Variants in EMSY observed in about 807,000 individuals in gnomAD.
EMSY encodes EMSY transcriptional repressor, BRCA2 interacting.
EMSY carries 26 observed loss-of-function variants against 134.6 expected under a neutral mutation model. The ratio of observed to expected loss-of-function variants is 0.19; its 90% CI spans 0.14 to 0.27. The LOEUF (loss-of-function observed/expected upper bound fraction) is 0.27. Ranked by LOEUF, EMSY falls within the 10% of genes least tolerant of loss-of-function variation. EMSY has a pLI of 1.00. For synonymous variants in EMSY, 579 were observed against 577.8 expected (o/e 1.00, Z -0.03); for missense variants, 1,305 against 1,611.4 (o/e 0.81, Z 3.26).
chr11:76,514,577 G>GT (rs963606740), intron 10 of EMSY, among the ~76,000 whole-genome samples: 3 of 152,084 alleles, frequency 2.0e-5, no homozygotes, highest in Admixed American at 6.5e-5. Flanking sequence ...GCTTTCTTTT[G>GT]TTTTTTAAAT....
intron 9 of EMSY, among the ~76,000 whole-genome samples, chr11:76,509,399 G>A (rs1950193593): frequency 6.6e-6 from 1 of 152,080 alleles, no homozygotes; most frequent in African/African-American, 2.4e-5. Flanking sequence ...GGCTGAGGCA[G>A]GGAGAATTGC....
intron 2 of EMSY, among the ~76,000 whole-genome samples, chr11:76,451,063 C>G (rs1288717065): frequency 6.6e-6 from 1 of 152,072 alleles, no homozygotes; most frequent in African/African-American, 2.4e-5. Context: ...TCCCAAAGTG[C>G]TAGGATTACA....
At chr11:76,490,346 C>A (rs1427217817) in intron 8 of EMSY, among the ~76,000 whole-genome samples, 5 of 152,018 alleles carry the variant, frequency 3.3e-5, no homozygotes, top group African/African-American at 1.2e-4. Flanking sequence ...CCTGACTATC[C>A]ACTAGGTGCC....
At chr11:76,522,066 A>G (rs1458684058) in intron 11 of EMSY, among the ~76,000 whole-genome samples, 3 of 152,088 alleles carry the variant, frequency 2.0e-5, no homozygotes, top group African/African-American at 7.2e-5. Flanking sequence ...TGAAAAAGAG[A>G]AGAAGACAAG....
exon 21 of EMSY, chr11:76,551,186 CAGTT>C (rs1400912376): frequency 6.6e-6 from 1 of 151,502 alleles, no homozygotes; most frequent in Non-Finnish European, 1.5e-5. Context: ...TTTTAGGACA[CAGTT>C]TGTTTAAGCA....
intron 17 of EMSY, 28 bp from the exon 19 acceptor site, chr11:76,542,188 G>A (rs1261850655): frequency 5.6e-6 from 9 of 1,613,394 alleles, no homozygotes; most frequent in African/African-American, 2.7e-5. Flanking sequence ...GATTTCTGGA[G>A]AAATATCATC....
chr11:76,463,212 G>C (rs1948198963), intron 6 of EMSY, among the ~76,000 whole-genome samples: 1 of 152,134 alleles, frequency 6.6e-6, no homozygotes. Flanking sequence ...AGCTACTTGG[G>C]AGGCTGAGGC....
chr11:76,537,756 G>C (rs2136579654), intron 15 of EMSY, 39 bp from the exon 17 acceptor site: 1 of 1,540,248 alleles, frequency 6.5e-7, no homozygotes, highest in Non-Finnish European at 8.8e-7. Context: ...GTACTTGTTT[G>C]TAATAAAAGT....
At chr11:76,546,650 ACTC>A (rs1168624521) in intron 20 of EMSY, among the ~76,000 whole-genome samples, 1 of 151,940 alleles carries the variant, frequency 6.6e-6, no homozygotes, top group African/African-American at 2.4e-5. Context: ...CAAATTTTGT[ACTC>A]CTCAATTTTT....
At chr11:76,462,063 C>T (rs1448620025) in intron 6 of EMSY, among the ~76,000 whole-genome samples, 1 of 151,342 alleles carries the variant, frequency 6.6e-6, no homozygotes, top group South Asian at 2.1e-4. Flanking sequence ...ATGGTGAAAC[C>T]TCATCTCTAC....
At chr11:76,544,786 G>T (rs755632629) in exon 19 of EMSY, 21 of 1,613,866 alleles carry the variant, frequency 1.3e-5, no homozygotes, top group Non-Finnish European at 1.6e-5. Flanking sequence ...GCCAAATGTC[G>T]CTCCCAGCTT....
At chr11:76,512,817 A>G (rs975547012) in intron 9 of EMSY, among the ~76,000 whole-genome samples, 1 of 151,148 alleles carries the variant, frequency 6.6e-6, no homozygotes, top group Middle Eastern at 3.4e-3. Context: ...TTTTTTGTGT[A>G]GGTAGAATAA....
chr11:76,457,381 G>A (rs1031174297), intron 4 of EMSY, among the ~76,000 whole-genome samples: 74 of 152,200 alleles, frequency 4.9e-4, no homozygotes, highest in African/African-American at 1.7e-3. Flanking sequence ...GTTAAGAGAA[G>A]TGATACAACT....
chr11:76,489,892 A>G (rs1246086507), intron 8 of EMSY, among the ~76,000 whole-genome samples: 1 of 152,170 alleles, frequency 6.6e-6, no homozygotes, highest in African/African-American at 2.4e-5. Context: ...GGCACAAGCC[A>G]CCGTGCCCGG....
chr11:76,534,672 ATTC>A (rs1951164201), intron 14 of EMSY, among the ~76,000 whole-genome samples: 2 of 152,068 alleles, frequency 1.3e-5, no homozygotes, highest in African/African-American at 4.8e-5. Flanking sequence ...GGCTACTTGA[ATTC>A]TTTTCATTCT....
At chr11:76,487,787 C>G (rs1484388880) in intron 8 of EMSY, among the ~76,000 whole-genome samples, 7 of 152,200 alleles carry the variant, frequency 4.6e-5, no homozygotes, top group Admixed American at 4.6e-4. Flanking sequence ...CCCGAGGTAC[C>G]TCGTTATGCC....
chr11:76,459,920 A>G lies in EMSY; in HGVS notation c.422-16A>G, dbSNP rs1430597741. ...GTGAAAGTTAACAGCAAACTTTTTT[A>G]TCGTTCCTTCAGTAGTGGTTTGCTA... On this transcript the variant is annotated splice_polypyrimidine_tract_variant and intron_variant, in intron 5 of 20. Coordinates refer to ENST00000334736, the Ensembl canonical transcript of EMSY. 16 of 1,607,220 alleles carry G rather than the reference A, an allele frequency of 1.0e-5. No homozygotes were observed. Among genetic ancestry groups the G allele is most frequent in the Non-Finnish European group, 1.4e-5 (16 of 1,175,220 alleles).
intron 10 of EMSY, among the ~76,000 whole-genome samples, 158 bp downstream of exon 11, chr11:76,513,693 C>T (rs567931126): frequency 6.6e-6 from 1 of 152,188 alleles, no homozygotes; most frequent in African/African-American, 2.4e-5. Flanking sequence ...ACTGCCCTGA[C>T]GTTAACTTTC....
chr11:76,513,370 C>G lies in EMSY; in HGVS notation c.1364-16C>G. The G allele has an allele frequency of 6.2e-7, 1 of 1,611,396 alleles. No homozygotes were observed. Among genetic ancestry groups the G allele is most frequent in the South Asian group, 1.1e-5 (1 of 90,798 alleles). Reference sequence around the variant, plus strand: ...AAAAATAATTTGTGCTGAGATTTATCTTTCTTCTTTCAAAGGTGTTAAAAT... The same window carrying G: ...AAAAATAATTTGTGCTGAGATTTATGTTTCTTCTTTCAAAGGTGTTAAAAT... On this transcript the variant is annotated splice_polypyrimidine_tract_variant and intron_variant, in intron 9 of 20. Coordinates refer to ENST00000334736, the Ensembl canonical transcript of EMSY.
Sources: gnomAD v4.1 joint callset for allele counts (sites outside exome capture counted in the v4.1 genomes callset) on GRCh38, gnomAD v4.1.1 for gene constraint, MANE v1.5 for transcripts, NCBI Gene and HGNC (gene_info 2026-07-23, HGNC 2026-07-21) for gene names.